Variants in LRR1 observed in about 807,000 individuals in gnomAD.
LRR1 encodes leucine-rich repeat protein 1.
A neutral mutation model predicts 31.6 loss-of-function variants in LRR1; 29 were observed. The observed-to-expected ratio is 0.92, with a 90% confidence interval of 0.68 to 1.25. The LOEUF (loss-of-function observed/expected upper bound fraction) is 1.25. Among genes scored for constraint, LRR1 ranks in the 50% most tolerant of loss-of-function variants. The pLI is 0.00. For synonymous variants in LRR1, 179 were observed against 181.4 expected (o/e 0.99, Z 0.10); for missense variants, 485 against 487.2 (o/e 1.00, Z 0.04).
At chr14:49,611,249 G>T (rs1390666525) in intron 3 of LRR1, among the ~76,000 whole-genome samples, 1 of 152,140 alleles carries the variant, frequency 6.6e-6, no homozygotes, top group African/African-American at 2.4e-5. Context: ...GATCGAGGCA[G>T]GCGGATCACA....
chr14:49,614,088 G>T (rs1220973749), intron 3 of LRR1, among the ~76,000 whole-genome samples, 168 bp from the exon 4 acceptor site: 1 of 152,086 alleles, frequency 6.6e-6, no homozygotes, highest in Non-Finnish European at 1.5e-5. Context: ...ATATTTTATG[G>T]TGTGGTATCT....
intron 3 of LRR1, 146 bp from the exon 4 acceptor site, chr14:49,614,110 T>C: frequency 1.3e-6 from 1 of 771,940 alleles, no homozygotes; most frequent in Non-Finnish European, 2.0e-6. Context: ...AAGTTTACAA[T>C]ATGTCATATA....
At chr14:49,608,638 A>G (rs1882388132) in intron 3 of LRR1, among the ~76,000 whole-genome samples, 1 of 151,580 alleles carries the variant, frequency 6.6e-6, no homozygotes, top group Non-Finnish European at 1.5e-5. Flanking sequence ...AGTTAAATGA[A>G]TGAATGGCAT....
At chr14:49,601,114 G>C (rs1416983425) in intron 1 of LRR1, 5 of 1,610,802 alleles carry the variant, frequency 3.1e-6, no homozygotes, top group Non-Finnish European at 4.2e-6. Context: ...ACAGGAGATG[G>C]GCCATACCTG....
chr14:49,605,055 C>T (rs1478818823), intron 2 of LRR1, among the ~76,000 whole-genome samples: 1 of 152,008 alleles, frequency 6.6e-6, no homozygotes, highest in African/African-American at 2.4e-5. Flanking sequence ...AACACCATAC[C>T]AGGCTAATTT....
At position 49,598,942 on chromosome 14, in the gene LRR1, G is replaced by A; in HGVS notation, c.-79G>A. 1 of 1,499,990 alleles carries A rather than the reference G, an allele frequency of 6.7e-7. No individual in the cohort carries two copies. The highest frequency in any genetic ancestry group is 1.4e-5 in the African/African-American group (1 of 72,384). 92.9% of individuals were successfully genotyped at this position (1,499,990 alleles called of 1,614,324 possible). A position where few individuals can be genotyped will look rare whatever the true frequency, so the allele number is the denominator to read the frequency against. On this transcript the variant is annotated 5_prime_UTR_variant, in exon 1 of 4. Coordinates refer to ENST00000298288, the MANE Select transcript of LRR1 (RefSeq NM_152329.4). ...ATCAGTGGGCAGCCCGCGTGCGCGAGGACCCCGATGGCGGCGCCGGGTGGC... is the reference window on the plus strand; with the variant it reads ...ATCAGTGGGCAGCCCGCGTGCGCGAAGACCCCGATGGCGGCGCCGGGTGGC...
chr14:49,606,568 A>G (rs1264037688), intron 2 of LRR1, among the ~76,000 whole-genome samples: 1 of 150,932 alleles, frequency 6.6e-6, no homozygotes, highest in East Asian at 1.9e-4. Flanking sequence ...GAAACTCCTG[A>G]CCTCAAGTAA....
In LRR1 at chr14:49,608,200, T is replaced by C. The variant is rs143136315; in HGVS notation, c.1004+79T>C. 2,633 of 1,388,562 alleles carry C rather than the reference T, an allele frequency of 1.9e-3. 36 individuals carry two copies. The African/African-American group carries it at 0.033, about 18-fold the overall frequency. The allele number at this position is 1,388,562 out of a possible 1,614,324, so 86.0% of individuals were successfully genotyped here. On this transcript the variant is annotated intron_variant, in intron 3 of 3. Coordinates refer to ENST00000298288, the MANE Select transcript of LRR1 (RefSeq NM_152329.4). ...CTATCAAACTCAGAGTAATAAAGTC[T>C]AACATTGCTTACAGTGCTATGCACA...
intron 1 of LRR1, chr14:49,600,230 A>G: frequency 6.7e-7 from 1 of 1,485,970 alleles, no homozygotes; most frequent in Non-Finnish European, 9.4e-7. Context: ...TATCTTACCC[A>G]ATGACCGACG....
At chr14:49,604,885 T>G (rs72678071) in intron 2 of LRR1, among the ~76,000 whole-genome samples, 24,673 of 151,990 alleles carry the variant, frequency 0.16, 2,563 homozygotes, top group Admixed American at 0.28. Context: ...AATGTCTCGT[T>G]GTTCAACCTT....
chr14:49,606,576 T>C (rs1882291410), intron 2 of LRR1, among the ~76,000 whole-genome samples: 1 of 151,862 alleles, frequency 6.6e-6, no homozygotes, highest in Non-Finnish European at 1.5e-5. Flanking sequence ...TGACCTCAAG[T>C]AATCCGCCTG....
chr14:49,604,607 A>T (rs1193874153), intron 2 of LRR1, among the ~76,000 whole-genome samples: 2 of 151,332 alleles, frequency 1.3e-5, no homozygotes, highest in Admixed American at 1.3e-4. Context: ...GTGGAGGGTC[A>T]CCTGAGCCTG....
chr14:49,612,750 T>C (rs1462086969), intron 3 of LRR1: 1 of 576,548 alleles, frequency 1.7e-6, no homozygotes, highest in Non-Finnish European at 2.3e-6. Flanking sequence ...GCACCTATTA[T>C]GTGCCAGCCT....
intron 3 of LRR1, among the ~76,000 whole-genome samples, chr14:49,610,328 G>A (rs1028448881): frequency 8.2e-6 from 1 of 121,656 alleles, no homozygotes; most frequent in African/African-American, 3.1e-5. Context: ...AGTGCAGTGC[G>A]CAAGCTGGAG....
At chr14:49,603,083 G>A (rs1253705297) in intron 2 of LRR1, among the ~76,000 whole-genome samples, 3 of 151,496 alleles carry the variant, frequency 2.0e-5, no homozygotes, top group Admixed American at 1.3e-4. Context: ...GAACTCAGGC[G>A]ATCCACCCAC....
At chr14:49,608,564 C>T (rs936440177) in intron 3 of LRR1, among the ~76,000 whole-genome samples, 1 of 151,428 alleles carries the variant, frequency 6.6e-6, no homozygotes, top group Non-Finnish European at 1.5e-5. Context: ...TTATTCTCCA[C>T]TATTTCCCTA....
At chr14:49,612,981 C>T (rs566013984) in intron 3 of LRR1, among the ~76,000 whole-genome samples, 2 of 152,214 alleles carry the variant, frequency 1.3e-5, no homozygotes, top group Non-Finnish European at 1.5e-5. Context: ...GGGCGGATCA[C>T]TTGAGGTCAG....
At position 49,607,753 on chromosome 14, in the gene LRR1, G is replaced by A; in HGVS notation, c.636G>A (p.Leu212=). ...LQELNLNDNH[L]ESFSVALCHS... Reference sequence around the variant, plus strand: ...AACTTAACCTGAATGACAATCACTTGGAGTCATTTAGTGTAGCCTTGTGTC... The same window carrying A: ...AACTTAACCTGAATGACAATCACTTAGAGTCATTTAGTGTAGCCTTGTGTC... The change falls in exon 3 of 4, where the codon TTG becomes TTA. Residue 212 remains leucine (L), a synonymous_variant. Coordinates refer to ENST00000298288, the MANE Select transcript of LRR1 (RefSeq NM_152329.4). 1 of 1,613,360 alleles carries A rather than the reference G, an allele frequency of 6.2e-7. No individual in the cohort carries two copies. The highest frequency in any genetic ancestry group is 8.5e-7 in the Non-Finnish European group (1 of 1,179,524).
At position 49,599,201 on chromosome 14, in the gene LRR1, G is replaced by C; in HGVS notation, c.181G>C (p.Glu61Gln). The change falls in exon 1 of 4, where the codon GAG (glutamate) becomes CAG (glutamine). Residue 61 changes from glutamate (E) to glutamine (Q), a missense_variant and splice_region_variant. Glu to Gln is a conservative substitution (Grantham distance 29). Transcript: ENST00000298288. ...GAAGGACAAGCGCGGGACCCGCTATGAGGTGCGTGAAGTGGGCAGGCCCTG... is the reference window on the plus strand; with the variant it reads ...GAAGGACAAGCGCGGGACCCGCTATCAGGTGCGTGAAGTGGGCAGGCCCTG... ...TLKDKRGTRY[E>Q]LRENIEQFFT... is the part of the protein sequence containing the mutation. 1.9e-6 allele frequency: 3 copies of C among 1,603,760 alleles called. No homozygotes were observed.
Sources: allele counts gnomAD v4.1 joint callset (sites outside exome capture counted in the v4.1 genomes callset), GRCh38; gene constraint gnomAD v4.1.1; transcripts MANE v1.5; gene names NCBI Gene and HGNC (gene_info 2026-07-23, HGNC 2026-07-21).